Variants in TTBK2 observed in about 807,000 individuals in gnomAD.
The protein encoded by TTBK2 is tau-tubulin kinase 2.
In TTBK2, 28 loss-of-function variants were observed where a neutral mutation model predicts 110.8. The observed-to-expected ratio is 0.25, with a 90% CI of 0.19 to 0.35. The LOEUF (loss-of-function observed/expected upper bound fraction) is 0.35, where lower values mean the gene tolerates loss of function less well. Ranked by LOEUF, TTBK2 falls within the 10% of genes least tolerant of loss-of-function variation. The pLI, the probability that TTBK2 is intolerant of heterozygous loss-of-function variation, is 1.00. For synonymous variants in TTBK2, 532 were observed against 527.3 expected, an observed-to-expected ratio of 1.01 and a Z score of -0.12; for missense variants, 1,369 against 1,500.3, an observed-to-expected ratio of 0.91 and a Z score of 1.45.
rs2061768629 is a variant in TTBK2 at position 42,744,498 on chromosome 15, A to G, written c.*1297T>C. 6.6e-6 allele frequency: 1 copy of G among 152,332 alleles called. No individual in the cohort carries two copies. Among genetic ancestry groups the G allele is most frequent in the African/African-American group, 2.4e-5 (1 of 41,568 alleles). 9.4% of individuals were successfully genotyped at this position (152,332 alleles called of 1,614,324 possible). On this transcript the variant is annotated 3_prime_UTR_variant, in exon 15 of 15. Transcript: ENST00000267890. ...ACAACACAAAACACCTAGAGAGTAT[A>G]AAAACAGCCCATTTTAAAAGTCTGG...
intron 7 of TTBK2, among the ~76,000 whole-genome samples, chr15:42,814,894 G>T (rs1439366215): frequency 6.6e-6 from 1 of 152,168 alleles, no homozygotes; most frequent in Non-Finnish European, 1.5e-5. Flanking sequence ...TAACAAAGAA[G>T]CAAGTTATCA....
At chr15:42,883,898 C>T (rs1355661594) in intron 1 of TTBK2, among the ~76,000 whole-genome samples, 2 of 151,766 alleles carry the variant, frequency 1.3e-5, no homozygotes, top group South Asian at 2.1e-4. Flanking sequence ...AAAAATAATA[C>T]TATTATTATG....
chr15:42,894,226 T>C (rs185596875), intron 1 of TTBK2, among the ~76,000 whole-genome samples: 99 of 152,350 alleles, frequency 6.5e-4, no homozygotes, highest in Non-Finnish European at 9.3e-4. Flanking sequence ...CCCAGTCATA[T>C]GGAACTATGA....
intron 10 of TTBK2, among the ~76,000 whole-genome samples, chr15:42,793,542 A>C (rs1347464857): frequency 6.6e-6 from 1 of 151,216 alleles, no homozygotes; most frequent in Non-Finnish European, 1.5e-5. Context: ...ACACAGCCAG[A>C]CTCCATCTCT....
chr15:42,758,439 T>G (rs935503481), intron 13 of TTBK2, among the ~76,000 whole-genome samples: 1 of 152,032 alleles, frequency 6.6e-6, no homozygotes, highest in African/African-American at 2.4e-5. Flanking sequence ...GCAGATCACC[T>G]GAGGTCAGGA....
At chr15:42,909,830 TTA>T (rs2030644685) in intron 1 of TTBK2, among the ~76,000 whole-genome samples, 1 of 152,128 alleles carries the variant, frequency 6.6e-6, no homozygotes, top group Admixed American at 6.6e-5. Flanking sequence ...AAAAATATTA[TTA>T]TCACAAATAT....
chr15:42,837,390 G>A (rs1893033122), intron 4 of TTBK2, among the ~76,000 whole-genome samples: 1 of 151,360 alleles, frequency 6.6e-6, no homozygotes, highest in South Asian at 2.1e-4. Context: ...AGGCATGGTG[G>A]CTTACGCCTG....
chr15:42,916,842 T>C (rs1377974437), intron 1 of TTBK2, among the ~76,000 whole-genome samples: 1 of 152,140 alleles, frequency 6.6e-6, no homozygotes, highest in East Asian at 1.9e-4. Context: ...GCAACTACTT[T>C]GAAACTGCAG....
At chr15:42,796,930 A>T (rs1247467820) in intron 9 of TTBK2, among the ~76,000 whole-genome samples, 2 of 152,268 alleles carry the variant, frequency 1.3e-5, no homozygotes, top group Non-Finnish European at 2.9e-5. Flanking sequence ...GAAAAGACAT[A>T]GTTATAAAAT....
intron 3 of TTBK2, among the ~76,000 whole-genome samples, chr15:42,867,543 C>G (rs1894423880): frequency 6.6e-6 from 1 of 152,078 alleles, no homozygotes. Flanking sequence ...TGACACCCCA[C>G]CAAAGAAGAT....
At chr15:42,918,615 G>A (rs2031211790) in intron 1 of TTBK2, among the ~76,000 whole-genome samples, 1 of 152,016 alleles carries the variant, frequency 6.6e-6, no homozygotes, top group African/African-American at 2.4e-5. Flanking sequence ...ACTTATCATT[G>A]CCACATTTTT....
At chr15:42,748,519 A>T (rs1167399850) in intron 14 of TTBK2, among the ~76,000 whole-genome samples, 1 of 152,094 alleles carries the variant, frequency 6.6e-6, no homozygotes, top group Non-Finnish European at 1.5e-5. Context: ...AACAACTCAT[A>T]GAAGGATCCT....
intron 9 of TTBK2, chr15:42,801,063 G>C (rs1891173326): frequency 6.5e-6 from 5 of 771,836 alleles, no homozygotes; most frequent in African/African-American, 1.7e-5. Context: ...GTGGCTGAAG[G>C]AGCTGGAGCC....
At chr15:42,866,933 T>C (rs947648189) in intron 3 of TTBK2, among the ~76,000 whole-genome samples, 2 of 152,184 alleles carry the variant, frequency 1.3e-5, no homozygotes, top group African/African-American at 4.8e-5. Context: ...TTTATAGCAC[T>C]GAGTGCATGT....
At chr15:42,750,693 T>TA (rs545945237) in intron 14 of TTBK2, among the ~76,000 whole-genome samples, 5 of 148,946 alleles carry the variant, frequency 3.4e-5, no homozygotes, top group Non-Finnish European at 7.4e-5. Flanking sequence ...AGAGAATACT[T>TA]AAAAAAAAGA....
chr15:42,864,291 G>C (rs1894273959), intron 3 of TTBK2, among the ~76,000 whole-genome samples: 1 of 152,128 alleles, frequency 6.6e-6, no homozygotes, highest in African/African-American at 2.4e-5. Flanking sequence ...AAATATTAAA[G>C]TGTTCAGAGA....
chr15:42,888,755 C>A (rs1895339324), intron 1 of TTBK2, among the ~76,000 whole-genome samples: 1 of 152,182 alleles, frequency 6.6e-6, no homozygotes, highest in African/African-American at 2.4e-5. Context: ...GGCCTCTTTA[C>A]TTCCAAAGGA....
intron 2 of TTBK2, among the ~76,000 whole-genome samples, chr15:42,874,616 C>T (rs1567072145): frequency 6.6e-6 from 1 of 151,716 alleles, no homozygotes; most frequent in Non-Finnish European, 1.5e-5. Context: ...CACACCCGGC[C>T]GATCCTGCTT....
At chr15:42,763,188 ATATATTTTTTTTTTTTTTTTTTT>A (rs1567009112) in intron 13 of TTBK2, among the ~76,000 whole-genome samples, 12 of 24,532 alleles carry the variant, frequency 4.9e-4, no homozygotes, top group African/African-American at 2.6e-3. Context: ...ATATATATAT[ATATATTTTTTTTTTTTTTTTTTT>A]TTTTTTTTTT....
Sources: gnomAD v4.1 joint callset for allele counts (sites outside exome capture counted in the v4.1 genomes callset) on GRCh38, gnomAD v4.1.1 for gene constraint, MANE v1.5 for transcripts, NCBI Gene and HGNC (gene_info 2026-07-23, HGNC 2026-07-21) for gene names.